SPATC1: variants seen among roughly 807,000 people sequenced by gnomAD.
SPATC1 encodes spermatogenesis and centriole associated 1.
In SPATC1, 35 loss-of-function variants were observed where a neutral mutation model predicts 36.5. The observed-to-expected ratio is 0.96, with a 90% confidence interval of 0.73 to 1.27. The LOEUF (loss-of-function observed/expected upper bound fraction) is 1.27, where lower values mean the gene tolerates loss of function less well. Ranked by LOEUF, SPATC1 falls within the 50% of genes most tolerant of loss-of-function variation. The pLI is 0.00. For missense variants in SPATC1, 779 were observed against 796.0 expected (o/e 0.98, Z 0.26); for synonymous variants, 361 against 353.6 (o/e 1.02, Z -0.24).
intron 1 of SPATC1, among the ~76,000 whole-genome samples, chr8:144,020,242 A>C (rs1391686691): frequency 6.7e-5 from 8 of 118,774 alleles, no homozygotes; most frequent in East Asian, 5.7e-4. Context: ...CTCTCAGGAC[A>C]CTCTTCCCTG....
rs570254928 is a variant in SPATC1, at chr8:144,040,053, G to A, written c.356G>A (p.Gly119Asp). 3.1e-6 allele frequency: 5 copies of A among 1,613,324 alleles called. No homozygotes were observed. In the East Asian group the frequency reaches 6.7e-5, roughly 22 times the overall value. ...GGCTCACTCATGAGCCCCCTGACAG[G>A]CACCCTCAGCACGCTGCTGTCTGGC... ...TPGSLMSPLT[G>D]TLSTLLSGPA... The change falls in exon 2 of 5, where the codon GGC becomes GAC. Residue 119 changes from glycine (G) to aspartate (D), a missense_variant. By Grantham distance (94) the Gly-to-Asp change is moderately conservative. Transcript: ENST00000377470.
intron 1 of SPATC1, among the ~76,000 whole-genome samples, chr8:144,025,648 T>C (rs1397349022): frequency 2.0e-5 from 3 of 152,196 alleles, no homozygotes; most frequent in Admixed American, 2.0e-4. Context: ...GGACTCTCCC[T>C]CCACCCATGG....
At chr8:144,038,541 C>A (rs961397409) in intron 1 of SPATC1, among the ~76,000 whole-genome samples, 12 of 152,070 alleles carry the variant, frequency 7.9e-5, no homozygotes, top group African/African-American at 2.9e-4. Context: ...ACAGTGCAAT[C>A]ATAGCTCACT....
Position 144,046,875 on chromosome 8 carries a change from C to A in SPATC1, c.1695C>A (p.Gly565=). 1.2e-6 allele frequency: 2 copies of A among 1,600,440 alleles called. No individual in the cohort carries two copies. The highest frequency in any genetic ancestry group is 1.7e-6 in the Non-Finnish European group (2 of 1,179,798). Reference sequence around the variant, plus strand: ...TGGTGGTGGAGACCGTGCACCCCGGCATGCTCGCCGACGCGCTGCTGCTGC... The same window carrying A: ...TGGTGGTGGAGACCGTGCACCCCGGAATGCTCGCCGACGCGCTGCTGCTGC... ...QRVVVETVHP[G]MLADALLLLS... is the part of the protein sequence containing the mutation. Residue 565 remains glycine (G), a synonymous_variant, in exon 5 of 5, where the codon GGC becomes GGA. Coordinates refer to ENST00000377470, the MANE Select transcript of SPATC1 (RefSeq NM_198572.3). This position sits in a 1 kb window ranked among gnomAD's most constrained non-coding sequence, Gnocchi z 6.6.
chr8:144,040,501 G>T (rs1266250024), intron 2 of SPATC1, 38 bp downstream of exon 2: 8 of 1,562,664 alleles, frequency 5.1e-6, no homozygotes, highest in Non-Finnish European at 6.9e-6. Flanking sequence ...CAGAGTGGGG[G>T]GGGGCAGAGC....
rs1039468984 is a variant in SPATC1, at chr8:144,029,024, G to A, written c.212-10885G>A. Among the ~76,000 whole-genome samples, 88 of 151,944 alleles carry A rather than the reference G, an allele frequency of 5.8e-4. 1 individual carries two copies. In the East Asian group the frequency reaches 7.4e-3, roughly 13 times the overall value. ...CAATGAGAACACATGGACACAGGGA[G>A]GAGAGCAACACACACTGTGGCCTGT... On this transcript the variant is annotated intron_variant, in intron 1 of 4. Coordinates refer to ENST00000377470, the MANE Select transcript of SPATC1 (RefSeq NM_198572.3).
At chr8:144,023,228 TACC>T (rs1834585798) in intron 1 of SPATC1, among the ~76,000 whole-genome samples, 1 of 84,714 alleles carries the variant, frequency 1.2e-5, no homozygotes. Context: ...CCTCAGGACC[TACC>T]CTCTTCCCTC....
At chr8:144,027,335 A>C (rs926564097) in intron 1 of SPATC1, among the ~76,000 whole-genome samples, 1 of 152,132 alleles carries the variant, frequency 6.6e-6, no homozygotes, top group Non-Finnish European at 1.5e-5. Flanking sequence ...CTTTATATAC[A>C]CTGGATATAG....
rs373905765 is a variant in SPATC1, at chr8:144,041,401, G to A, written c.1446+30G>A. ...GCGGCCAGGGGTCCTGCAGGGACAG[G>A]GGGCAGGTTGGCCCATGAGGGGCCG... On this transcript the variant is annotated intron_variant, in intron 4 of 4. Coordinates refer to ENST00000377470, the MANE Select transcript of SPATC1 (RefSeq NM_198572.3). 11 of 1,598,976 alleles carry A rather than the reference G, an allele frequency of 6.9e-6. No individual in the cohort carries two copies. The African/African-American group carries it at 1.3e-4, about 19-fold the overall frequency.
intron 1 of SPATC1, among the ~76,000 whole-genome samples, chr8:144,038,950 A>G (rs1330194095): frequency 2.0e-5 from 3 of 152,164 alleles, no homozygotes; most frequent in African/African-American, 7.2e-5. Context: ...AATGCTTGCC[A>G]ACTCCTGAGC....
intron 1 of SPATC1, 130 bp downstream of exon 1, chr8:144,012,856 ACACT>A (rs1185511393): frequency 3.2e-6 from 3 of 926,206 alleles, no homozygotes; most frequent in Non-Finnish European, 5.0e-6. Context: ...CTGCTCTAAC[ACACT>A]CAGCTCACCA....
In SPATC1 at chr8:144,040,211, G is replaced by A. The variant is rs1835032603; in HGVS notation, c.514G>A (p.Ala172Thr). 2 of 1,612,374 alleles carry A rather than the reference G, an allele frequency of 1.2e-6. No homozygotes were observed. Among genetic ancestry groups the A allele is most frequent in the African/African-American group, 2.7e-5 (2 of 74,864 alleles). Residue 172 changes from alanine (A) to threonine (T), a missense_variant, in exon 2 of 5, where the codon GCA becomes ACA. By Grantham distance (58) the Ala-to-Thr change is moderately conservative. Coordinates refer to ENST00000377470, the MANE Select transcript of SPATC1 (RefSeq NM_198572.3). ...CACCCTGACTCCCAGCAGCCTCGTG[G>A]CAGGCCCTGTGGCCATGTCCCAGAG... ...TGTLTPSSLV[A>T]GPVAMSQSSP...
At chr8:144,039,506 C>T (rs1835003252) in intron 1 of SPATC1, among the ~76,000 whole-genome samples, 2 of 152,200 alleles carry the variant, frequency 1.3e-5, no homozygotes, top group South Asian at 4.1e-4. Context: ...GAGGGGCCAA[C>T]TTGGTGACCT....
chr8:144,044,904 G>A (rs1000043826), intron 4 of SPATC1, among the ~76,000 whole-genome samples: 2 of 152,148 alleles, frequency 1.3e-5, no homozygotes, highest in African/African-American at 4.8e-5. Flanking sequence ...AGCTGAGATC[G>A]AACCACTGCA....
At position 144,012,626 on chromosome 8, in the gene SPATC1, C is replaced by G; in HGVS notation, c.111C>G (p.Leu37=). 1.3e-6 allele frequency: 2 copies of G among 1,551,710 alleles called. No individual in the cohort carries two copies. The highest frequency in any genetic ancestry group is 1.7e-6 in the Non-Finnish European group (2 of 1,146,994). Residue 37 remains leucine (L), a synonymous_variant, in exon 1 of 5, where the codon CTC becomes CTG. Transcript: ENST00000377470. ...LVRLIRENHE[L]KSAIKTQAGG... ...GGCTCATTCGGGAGAATCACGAGCT[C>G]AAGTCAGCGATCAAGACTCAGGCAG...
chr8:144,041,242 G>A lies in SPATC1; in HGVS notation c.1317G>A (p.Gln439=). The A allele has an allele frequency of 6.2e-7, 1 of 1,613,336 alleles. No individual in the cohort carries two copies. Among genetic ancestry groups the A allele is most frequent in the Non-Finnish European group, 8.5e-7 (1 of 1,179,972 alleles). Residue 439 remains glutamine, a synonymous_variant, in exon 4 of 5, where the codon CAG becomes CAA. Coordinates refer to ENST00000377470, the MANE Select transcript of SPATC1 (RefSeq NM_198572.3). ...KFPENPRESK[Q]LAWERLVGEI... is the part of the protein sequence containing the mutation. ...ACCCTGTGTCCCCAGAGTCGAAGCAGCTGGCCTGGGAGAGGCTGGTGGGTG... is the reference window on the plus strand; with the variant it reads ...ACCCTGTGTCCCCAGAGTCGAAGCAACTGGCCTGGGAGAGGCTGGTGGGTG...
In SPATC1 at chr8:144,041,426, G is replaced by T. The variant is rs551201194; in HGVS notation, c.1446+55G>T. On this transcript the variant is annotated intron_variant, in intron 4 of 4. Transcript: ENST00000377470. ...GGGGCAGGTTGGCCCATGAGGGGCC[G>T]TGGGGACCCTGCACTCTGGCCAGGC... 242 of 1,585,302 alleles carry T rather than the reference G, an allele frequency of 1.5e-4. 5 individuals are homozygous for T. The South Asian group carries it at 2.5e-3, about 16-fold the overall frequency.
Position 144,046,972 on chromosome 8 carries a change from G to A in SPATC1, c.*16G>A, listed in dbSNP as rs1372801157. The A allele has an allele frequency of 2.5e-6, 4 of 1,588,076 alleles. No homozygotes were observed. In the African/African-American group the frequency reaches 5.3e-5, roughly 21 times the overall value. ...CATCTGGTGACGCTGGAGCTGGGAG[G>A]TCCAGGCTCGCTCAGCCCCACAGCC... On this transcript the variant is annotated 3_prime_UTR_variant, in exon 5 of 5. Coordinates refer to ENST00000377470, the MANE Select transcript of SPATC1 (RefSeq NM_198572.3). This position sits in a 1 kb window ranked among gnomAD's most constrained non-coding sequence, Gnocchi z 6.6.
chr8:144,013,179 C>T (rs1236551908), intron 1 of SPATC1, among the ~76,000 whole-genome samples: 2 of 152,202 alleles, frequency 1.3e-5, no homozygotes, highest in African/African-American at 4.8e-5. Context: ...CCTTCTCCAC[C>T]TCTGCATGGC....
Sources: gnomAD v4.1 joint callset for allele counts (sites outside exome capture counted in the v4.1 genomes callset) on GRCh38, gnomAD v4.1.1 for gene constraint, Gnocchi (gnomAD v3.1) non-coding constraint, MANE v1.5 for transcripts, NCBI Gene and HGNC (gene_info 2026-07-23, HGNC 2026-07-21) for gene names.